NFKBIZ: variants seen among roughly 807,000 people sequenced by gnomAD.
NFKBIZ encodes the protein NFKB inhibitor zeta, also known as NF-kappa-B inhibitor zeta.
Under a neutral mutation model 76.8 loss-of-function variants are expected in NFKBIZ, and 19 were observed. The ratio of observed to expected loss-of-function variants is 0.25; its 90% confidence interval spans 0.17 to 0.36. The LOEUF is 0.36. NFKBIZ is among the 10% of genes least tolerant of loss of function. The pLI, the probability that NFKBIZ is intolerant of heterozygous loss-of-function variation, is 1.00. For missense variants in NFKBIZ, 829 were observed against 910.9 expected (o/e 0.91, Z 1.16); for synonymous variants, 368 against 354.8 (o/e 1.04, Z -0.42).
upstream of NFKBIZ, among the ~76,000 whole-genome samples, chr3:101,848,309 A>T (rs984736016): frequency 1.6e-4 from 24 of 152,246 alleles, no homozygotes; most frequent in African/African-American, 5.3e-4. Flanking sequence ...ACAATCGTAA[A>T]AGGGGACTAT....
chr3:101,855,723 TTTC>T lies in NFKBIZ; in HGVS notation c.1655-5_1655-3del, dbSNP rs776956626. ...TGCTTGACCACTGCTTGATTATACT[TTTC>T]TTCTAGGCCTGACTCCCCTTCACTG... On this transcript the variant is annotated splice_polypyrimidine_tract_variant and splice_region_variant and intron_variant, in intron 8 of 11. Coordinates refer to ENST00000326172, the MANE Select transcript of NFKBIZ (RefSeq NM_031419.4). 4.6e-5 allele frequency: 73 copies of T among 1,577,040 alleles called. No individual in the cohort carries two copies. Among genetic ancestry groups the T allele is most frequent in the Non-Finnish European group, 6.2e-5 (72 of 1,164,478 alleles).
chr3:101,829,133 A>C (rs1033812223), intron 1 of NFKBIZ, among the ~76,000 whole-genome samples: 2 of 152,204 alleles, frequency 1.3e-5, no homozygotes, highest in African/African-American at 4.8e-5. Context: ...ATTTGGCCTC[A>C]GAATACGGTG....
In NFKBIZ at chr3:101,849,925, C is replaced by T. The variant is rs1942923693; in HGVS notation, c.289+8C>T. ...GCGCCGAGCGCCAGCCAGGTACCCG[C>T]CGGCCCCGCACCGCTGCGTACTCGG... On this transcript the variant is annotated splice_region_variant and intron_variant, in intron 1 of 11. Coordinates refer to ENST00000326172, the MANE Select transcript of NFKBIZ (RefSeq NM_031419.4). 2 of 1,413,100 alleles carry T rather than the reference C, an allele frequency of 1.4e-6. No individual in the cohort carries two copies. The highest frequency in any genetic ancestry group is 3.0e-5 in the African/African-American group (2 of 66,526). 87.5% of individuals were successfully genotyped at this position (1,413,100 alleles called of 1,614,324 possible).
At position 101,853,809 on chromosome 3, in the gene NFKBIZ, A is replaced by G; in HGVS notation, c.1283A>G (p.Lys428Arg). The change falls in exon 5 of 12, where the codon AAA becomes AGA. Residue 428 changes from lysine (K) to arginine (R), a missense_variant. Around this residue, in one of 4 missense-constraint regions of NFKBIZ, gnomAD observed 272 missense variants for 384.2 expected, o/e 0.71. Transcript: ENST00000326172. ...FQWQVEQEES[K>R]LANISQDQFL... ...TGGCAGGTGGAGCAGGAAGAAAGCAAATTGGCAAATATTTCCCAAGACCAG... is the reference window on the plus strand; with the variant it reads ...TGGCAGGTGGAGCAGGAAGAAAGCAGATTGGCAAATATTTCCCAAGACCAG... 1.2e-6 allele frequency: 2 copies of G among 1,613,692 alleles called. No homozygotes were observed. Among genetic ancestry groups the G allele is most frequent in the Non-Finnish European group, 1.7e-6 (2 of 1,180,044 alleles).
In NFKBIZ at chr3:101,857,622, C is replaced by T. The variant is rs561377128; in HGVS notation, c.2103+163C>T. On this transcript the variant is annotated intron_variant, in intron 11 of 11. Transcript: ENST00000326172. ...GTCATAGCATTGTGGAGTTACTCTT[C>T]GTTTGGAAACAGCAATTAAGAAATT... 3 of 985,394 alleles carry T rather than the reference C, an allele frequency of 3.0e-6. No individual in the cohort carries two copies. In the South Asian group the frequency reaches 1.4e-4, roughly 46 times the overall value. 61.0% of individuals were successfully genotyped at this position (985,394 alleles called of 1,614,324 possible).
intron 2 of NFKBIZ, among the ~76,000 whole-genome samples, chr3:101,838,690 G>A (rs1345248491): frequency 6.6e-6 from 1 of 152,202 alleles, no homozygotes; most frequent in African/African-American, 2.4e-5. Flanking sequence ...GGGAGGTAAG[G>A]TGATTGTTTG....
upstream of NFKBIZ, among the ~76,000 whole-genome samples, chr3:101,845,136 C>T (rs532590833): frequency 4.0e-5 from 6 of 151,782 alleles, no homozygotes; most frequent in East Asian, 7.9e-4. Flanking sequence ...GGCGTGGTGG[C>T]GGGCACCTGT....
At chr3:101,833,065 A>G (rs1942668164) in intron 2 of NFKBIZ, among the ~76,000 whole-genome samples, 1 of 152,256 alleles carries the variant, frequency 6.6e-6, no homozygotes, top group African/African-American at 2.4e-5. Context: ...TTGCATGTCC[A>G]CATACTACAG....
intron 2 of NFKBIZ, among the ~76,000 whole-genome samples, chr3:101,833,559 G>A (rs1045708897): frequency 4.6e-5 from 7 of 152,178 alleles, no homozygotes; most frequent in African/African-American, 1.7e-4. Context: ...TTTAATTTGA[G>A]GTGGAAGATA....
At chr3:101,849,307 G>A (rs1458210661), upstream of NFKBIZ, 1 of 236,122 alleles carries the variant, frequency 4.2e-6, no homozygotes, top group Non-Finnish European at 8.2e-6. Context: ...GCAAACAACC[G>A]GTCGGTCTGG....
chr3:101,831,923 CAG>C (rs1942653467), intron 2 of NFKBIZ, among the ~76,000 whole-genome samples: 1 of 151,766 alleles, frequency 6.6e-6, no homozygotes, highest in Admixed American at 6.6e-5. Context: ...TTTTTTGAGA[CAG>C]AGTTTTGCTC....
chr3:101,852,868 G>A lies in NFKBIZ; in HGVS notation c.461-18G>A. 1.2e-6 allele frequency: 2 copies of A among 1,609,096 alleles called. No homozygotes were observed. The highest frequency in any genetic ancestry group is 1.7e-4 in the Middle Eastern group (1 of 6,042). ...ATAAAATAAAATGATGACAGAGGCT[G>A]TATTCCTTTGGGTACAGAATTGAAG... On this transcript the variant is annotated intron_variant, in intron 3 of 11. Coordinates refer to ENST00000326172, the MANE Select transcript of NFKBIZ (RefSeq NM_031419.4).
rs376783040 is a variant in NFKBIZ, at chr3:101,835,805, A to C, written c.-12+6117A>C. Among the ~76,000 whole-genome samples the C allele has an allele frequency of 5.9e-5, 9 of 152,310 alleles. No individual in the cohort carries two copies. The East Asian group carries it at 1.5e-3, about 26-fold the overall frequency. On this transcript the variant is annotated intron_variant, in intron 2 of 12. Coordinates refer to the NFKBIZ transcript ENST00000394054. ...ATTCAGTCCATAACAGATAGGTTTG[A>C]TGTAGCTTGATTTTAGAGGATGTGA...
At chr3:101,829,879 TTGTGTGTGTG>T (rs71132601) in intron 2 of NFKBIZ, among the ~76,000 whole-genome samples, 1 of 150,394 alleles carries the variant, frequency 6.6e-6, no homozygotes, top group East Asian at 2.0e-4. Context: ...CTAAGATTTT[TTGTGTGTGTG>T]TGTGTGTGTG....
chr3:101,856,548 A>G (rs1943053060), intron 9 of NFKBIZ: 1 of 152,248 alleles, frequency 6.6e-6, no homozygotes, highest in African/African-American at 2.4e-5. Flanking sequence ...GGATTTCTTC[A>G]TTGTTGTAGG....
At chr3:101,846,307 G>A (rs1315258685), upstream of NFKBIZ, among the ~76,000 whole-genome samples, 5 of 152,200 alleles carry the variant, frequency 3.3e-5, no homozygotes, top group Non-Finnish European at 7.3e-5. Context: ...TAGAACAATG[G>A]CAGCATCCTA....
chr3:101,837,952 T>C (rs1942744002), intron 2 of NFKBIZ, among the ~76,000 whole-genome samples: 1 of 152,240 alleles, frequency 6.6e-6, no homozygotes, highest in South Asian at 2.1e-4. Context: ...CTTTAAGAAC[T>C]GTTCACTGTA....
At chr3:101,831,632 C>T (rs1288000591) in intron 2 of NFKBIZ, among the ~76,000 whole-genome samples, 1 of 150,268 alleles carries the variant, frequency 6.7e-6, no homozygotes, top group Non-Finnish European at 1.5e-5. Flanking sequence ...TTTTCTTTTT[C>T]CTCTCTCTCT....
intron 1 of NFKBIZ, chr3:101,850,546 CATA>C (rs895117550): frequency 2.6e-5 from 4 of 152,060 alleles, no homozygotes; most frequent in African/African-American, 9.7e-5. Context: ...ATGGATAAGC[CATA>C]TCTAGCAGAG....
Sources: allele counts gnomAD v4.1 joint callset (sites outside exome capture counted in the v4.1 genomes callset), GRCh38; gene constraint gnomAD v4.1.1; regional missense constraint gnomAD v4.1.1; transcripts MANE v1.5; gene names NCBI Gene and HGNC (gene_info 2026-07-23, HGNC 2026-07-21).